ZNF215: variants seen among roughly 807,000 people sequenced by gnomAD.
ZNF215 encodes the protein BWSCR2-associated zinc finger protein 2.
Under a neutral mutation model 27.2 loss-of-function variants are expected in ZNF215, and 24 were observed. That is an observed-to-expected ratio of 0.88 (90% CI 0.64 to 1.24). The LOEUF is 1.24. Ranked by LOEUF, ZNF215 falls within the 50% of genes most tolerant of loss-of-function variation. The pLI, the probability that ZNF215 is intolerant of heterozygous loss-of-function variation, is 0.00. For synonymous variants in ZNF215, 210 were observed against 204.0 expected (o/e 1.03, Z -0.25); for missense variants, 675 against 605.7 (o/e 1.11, Z -1.20).
chr11:6,946,913 T>C (rs1037015648), intron 6 of ZNF215, among the ~76,000 whole-genome samples: 5 of 152,248 alleles, frequency 3.3e-5, no homozygotes, highest in Non-Finnish European at 7.3e-5. Context: ...TTTTGGGTTG[T>C]CATTTAGTAA....
At chr11:6,984,359 T>A (rs189648553) in exon 6 of ZNF215, 1 of 181,748 alleles carries the variant, frequency 5.5e-6, no homozygotes, top group Admixed American at 6.2e-5. Flanking sequence ...TCCGCCCACC[T>A]CAGCCTCCTA....
At chr11:6,984,955 G>A (rs1230016716), downstream of ZNF215, among the ~76,000 whole-genome samples, 2 of 152,072 alleles carry the variant, frequency 1.3e-5, no homozygotes, top group African/African-American at 2.4e-5. Context: ...ATTCACAGCC[G>A]AATTCCACCA....
downstream of ZNF215, among the ~76,000 whole-genome samples, chr11:6,990,093 G>A (rs1851100614): frequency 6.6e-6 from 1 of 152,142 alleles, no homozygotes; most frequent in South Asian, 2.1e-4. Flanking sequence ...CCTGCCCCTA[G>A]CTCAGGGAGA....
chr11:6,980,555 A>C (rs2857917), intron 5 of ZNF215, among the ~76,000 whole-genome samples: 63,681 of 151,822 alleles, frequency 0.42, 13,874 homozygotes, highest in African/African-American at 0.54. Context: ...ATTAAGTAAT[A>C]AAAATCAGCC....
chr11:6,968,852 C>A (rs1008011328), intron 5 of ZNF215, among the ~76,000 whole-genome samples: 1 of 151,680 alleles, frequency 6.6e-6, no homozygotes, highest in East Asian at 1.9e-4. Flanking sequence ...GGCAACAGAG[C>A]GAGACCCCAT....
In ZNF215 at chr11:6,973,581, T is replaced by C. The variant is rs552590360; in HGVS notation, c.806-10548T>C. On this transcript the variant is annotated intron_variant, in intron 5 of 5. Transcript: ENST00000529903. ...CTGTTGTTTCCTGACTTTTTAATGA[T>C]CGCCATTCTAACTGGTGTGAGATGG... 3.5e-3 allele frequency among the ~76,000 whole-genome samples: 526 copies of C among 152,338 alleles called. 3 individuals are homozygous for C. The highest frequency in any genetic ancestry group is 0.012 in the African/African-American group (502 of 41,572).
downstream of ZNF215, among the ~76,000 whole-genome samples, chr11:6,986,511 C>G (rs2515952): frequency 6.6e-6 from 1 of 151,808 alleles, no homozygotes; most frequent in Non-Finnish European, 1.5e-5. Context: ...AAACCAAAAA[C>G]TGACAAGTGG....
At chr11:6,952,020 T>C (rs369887742) in intron 6 of ZNF215, among the ~76,000 whole-genome samples, 5 of 152,182 alleles carry the variant, frequency 3.3e-5, no homozygotes, top group Non-Finnish European at 5.9e-5. Context: ...GCAGGTTGTT[T>C]AGTTTCCATG....
intron 3 of ZNF215, among the ~76,000 whole-genome samples, chr11:6,936,890 C>CAA (rs71470445): frequency 1.6e-5 from 2 of 127,058 alleles, no homozygotes; most frequent in Non-Finnish European, 3.4e-5. Flanking sequence ...CTTTTATGAC[C>CAA]AAAAAAAAAA....
intron 3 of ZNF215, among the ~76,000 whole-genome samples, chr11:6,941,237 C>T (rs901773204): frequency 6.6e-6 from 1 of 152,144 alleles, no homozygotes; most frequent in Non-Finnish European, 1.5e-5. Context: ...CCTGTGATGG[C>T]TACGCTGTAG....
chr11:6,935,694 C>G (rs1305498507), intron 3 of ZNF215, among the ~76,000 whole-genome samples: 2 of 152,026 alleles, frequency 1.3e-5, no homozygotes, highest in East Asian at 1.9e-4. Context: ...TTGAGAAACA[C>G]CATAAACTGA....
intron 5 of ZNF215, among the ~76,000 whole-genome samples, chr11:6,979,384 T>C (rs892269904): frequency 1.3e-5 from 2 of 152,106 alleles, no homozygotes; most frequent in Non-Finnish European, 1.5e-5. Flanking sequence ...TGAAAAACCA[T>C]AGATTTATAA....
At chr11:6,986,493 C>T (rs989318042), downstream of ZNF215, among the ~76,000 whole-genome samples, 2 of 139,220 alleles carry the variant, frequency 1.4e-5, no homozygotes, top group Non-Finnish European at 3.2e-5. Flanking sequence ...GCTAAGTCCT[C>T]TTGCAACAAA....
intron 5 of ZNF215, among the ~76,000 whole-genome samples, chr11:6,982,404 G>A (rs927403070): frequency 1.3e-5 from 2 of 151,896 alleles, no homozygotes; most frequent in Non-Finnish European, 2.9e-5. Context: ...GCACCAAGCA[G>A]ACCTAATAGA....
intron 3 of ZNF215, among the ~76,000 whole-genome samples, chr11:6,940,623 A>G (rs1449345377): frequency 1.3e-5 from 2 of 152,154 alleles, no homozygotes; most frequent in African/African-American, 4.8e-5. Context: ...GTGTTTTAAG[A>G]AGTCCCTATG....
downstream of ZNF215, among the ~76,000 whole-genome samples, chr11:6,993,137 C>T (rs753854986): frequency 1.3e-5 from 2 of 152,174 alleles, no homozygotes; most frequent in African/African-American, 4.8e-5. Context: ...ATAGTTTTTA[C>T]ATAGATAAGA....
intron 6 of ZNF215, among the ~76,000 whole-genome samples, chr11:6,951,647 G>T (rs1451702868): frequency 1.3e-5 from 2 of 152,108 alleles, no homozygotes; most frequent in African/African-American, 4.8e-5. Context: ...AGTCTTGCTA[G>T]TGATCTATCA....
chr11:6,964,152 AGTT>A (rs1488107075), intron 5 of ZNF215, among the ~76,000 whole-genome samples: 3 of 151,942 alleles, frequency 2.0e-5, no homozygotes, highest in East Asian at 1.9e-4. Context: ...TTTTAAATCT[AGTT>A]GTTAAGTTTT....
chr11:6,943,746 C>A, intron 6 of ZNF215, 105 bp downstream of exon 6: 1 of 897,594 alleles, frequency 1.1e-6, no homozygotes, highest in South Asian at 1.6e-5. Context: ...AAGGAGATAG[C>A]AAAACCTAAA....
Sources: gnomAD v4.1 joint callset for allele counts (sites outside exome capture counted in the v4.1 genomes callset) on GRCh38, gnomAD v4.1.1 for gene constraint, MANE v1.5 for transcripts, NCBI Gene and HGNC (gene_info 2026-07-23, HGNC 2026-07-21) for gene names.